JPH2: variants seen among roughly 807,000 people sequenced by gnomAD.
JPH2 encodes junctophilin 2.
Under a neutral mutation model 55.9 loss-of-function variants are expected in JPH2, and 38 were observed. The ratio of observed to expected loss-of-function variants is 0.68; its 90% confidence interval spans 0.52 to 0.89. The LOEUF (loss-of-function observed/expected upper bound fraction) is 0.89. JPH2 is among the 40% of genes least tolerant of loss of function. The probability of loss-of-function intolerance (pLI) is 0.00; values close to 1 mark genes in which losing one functional copy is unlikely to be tolerated. For missense variants in JPH2, 964 were observed against 1,037.6 expected (o/e 0.93, Z 0.97); for synonymous variants, 480 against 472.4 (o/e 1.02, Z -0.21).
intron 3 of JPH2, among the ~76,000 whole-genome samples, chr20:44,118,161 C>T (rs1224100364): frequency 6.6e-6 from 1 of 152,206 alleles, no homozygotes; most frequent in Non-Finnish European, 1.5e-5. Context: ...CAATGCTTGA[C>T]TGAAACTGTT....
At chr20:44,129,551 T>C (rs2072300863) in intron 2 of JPH2, among the ~76,000 whole-genome samples, 2 of 63,050 alleles carry the variant, frequency 3.2e-5, no homozygotes, top group African/African-American at 6.2e-5. Flanking sequence ...CCAGGCTGTC[T>C]CAAAAAAAAA....
intron 2 of JPH2, among the ~76,000 whole-genome samples, chr20:44,141,472 T>C (rs899763304): frequency 1.3e-5 from 2 of 151,120 alleles, no homozygotes; most frequent in African/African-American, 4.9e-5. Context: ...GATCACATCA[T>C]GTGAGAAAAA....
At chr20:44,123,856 T>G (rs6130536) in intron 2 of JPH2, among the ~76,000 whole-genome samples, 44,927 of 152,152 alleles carry the variant, frequency 0.3, 6,763 homozygotes, top group East Asian at 0.46. Context: ...ATCTTGAAGT[T>G]GTTCCCAGAC....
intron 1 of JPH2, among the ~76,000 whole-genome samples, chr20:44,173,619 CAACA>C (rs2072713374): frequency 6.6e-6 from 1 of 152,158 alleles, no homozygotes; most frequent in African/African-American, 2.4e-5. Context: ...TTTATCCATA[CAACA>C]AACAAACAAA....
intron 1 of JPH2, chr20:44,176,806 G>GA: frequency 1.4e-5 from 13 of 937,244 alleles, no homozygotes; most frequent in Non-Finnish European, 1.5e-5. Context: ...AAAAGAAAAA[G>GA]AAAAAAAAGG....
Position 44,118,502 on chromosome 20 carries a change from T to C in JPH2, c.1288+3A>G. On this transcript the variant is annotated splice_donor_region_variant and intron_variant, in intron 3 of 5. Coordinates refer to ENST00000372980, the MANE Select transcript of JPH2 (RefSeq NM_020433.5). ...CTGCCCATCCTTCCCTGGCTGGCCC[T>C]ACCTGGCTGGTAGAAGTCCGGAGCC... The C allele has an allele frequency of 6.2e-7, 1 of 1,610,952 alleles. No individual in the cohort carries two copies. Among genetic ancestry groups the C allele is most frequent in the Non-Finnish European group, 8.5e-7 (1 of 1,178,566 alleles).
chr20:44,165,727 C>A (rs1373089121), intron 1 of JPH2, among the ~76,000 whole-genome samples: 1 of 152,150 alleles, frequency 6.6e-6, no homozygotes, highest in African/African-American at 2.4e-5. Flanking sequence ...TGCACAGGGG[C>A]CATGGAACCA....
At chr20:44,133,041 G>C (rs1335500784) in intron 2 of JPH2, among the ~76,000 whole-genome samples, 2 of 1,404 alleles carry the variant, frequency 1.4e-3, no homozygotes, top group East Asian at 0.019. Context: ...CCCCTCCACA[G>C]CTGCAACTCT....
chr20:44,144,496 G>C (rs2072479955), intron 2 of JPH2, among the ~76,000 whole-genome samples: 1 of 152,158 alleles, frequency 6.6e-6, no homozygotes, highest in Non-Finnish European at 1.5e-5. Context: ...GAAGACCAAG[G>C]ACACTTGGTG....
chr20:44,186,098 T>C (rs1275666524), intron 1 of JPH2, among the ~76,000 whole-genome samples: 1 of 152,166 alleles, frequency 6.6e-6, no homozygotes, highest in Non-Finnish European at 1.5e-5. Context: ...GCAGGCTTTG[T>C]ACTAAGCACT....
intron 2 of JPH2, among the ~76,000 whole-genome samples, chr20:44,135,396 G>C (rs538507893): frequency 6.6e-6 from 1 of 152,208 alleles, no homozygotes; most frequent in East Asian, 1.9e-4. Flanking sequence ...TTCTATGCCT[G>C]GGGTGAAAAC....
At chr20:44,132,334 T>G (rs1600838779) in intron 2 of JPH2, among the ~76,000 whole-genome samples, 2 of 134,432 alleles carry the variant, frequency 1.5e-5, no homozygotes, top group African/African-American at 2.9e-5. Flanking sequence ...GTGAATGAGG[T>G]GGAAGGGAGG....
chr20:44,174,150 A>G (rs1232963665), intron 1 of JPH2, among the ~76,000 whole-genome samples: 2 of 152,170 alleles, frequency 1.3e-5, no homozygotes, highest in Non-Finnish European at 2.9e-5. Context: ...CTTCATGGGT[A>G]AGTGTAGTCT....
At chr20:44,126,080 T>TA (rs2072272643) in intron 2 of JPH2, among the ~76,000 whole-genome samples, 1 of 148,412 alleles carries the variant, frequency 6.7e-6, no homozygotes, top group African/African-American at 2.5e-5. Flanking sequence ...GAGCTATGAT[T>TA]ATGCCACTGC....
In JPH2 at chr20:44,177,957, C is replaced by T. The variant is rs202158831; in HGVS notation, c.379+8370G>A. Reference sequence around the variant, plus strand: ...CATTGTCTCGACCATATTCTGAGGGCGATTTTAACACATCCCTAAAGGAAA... The same window carrying T: ...CATTGTCTCGACCATATTCTGAGGGTGATTTTAACACATCCCTAAAGGAAA... On this transcript the variant is annotated intron_variant, in intron 1 of 5. Transcript: ENST00000372980. 2.2e-5 allele frequency: 26 copies of T among 1,204,622 alleles called. No individual in the cohort carries two copies. The highest frequency in any genetic ancestry group is 1.0e-4 in the African/African-American group (7 of 66,760). The allele number at this position is 1,204,622 out of a possible 1,614,324, so 74.6% of individuals were successfully genotyped here.
At chr20:44,171,884 T>C (rs1208910588) in intron 1 of JPH2, among the ~76,000 whole-genome samples, 2 of 152,206 alleles carry the variant, frequency 1.3e-5, no homozygotes, top group East Asian at 1.9e-4. Flanking sequence ...ATACATGCAC[T>C]TGGGGGCAGG....
In JPH2 at chr20:44,186,719, C is replaced by CT. The variant is rs777257954; in HGVS notation, c.-15dup. 6 of 1,597,560 alleles carry CT rather than the reference C, an allele frequency of 3.8e-6. No individual in the cohort carries two copies. The highest frequency in any genetic ancestry group is 1.3e-5 in the African/African-American group (1 of 74,866). On this transcript the variant is annotated 5_prime_UTR_variant, in exon 1 of 6. Coordinates refer to ENST00000372980, the MANE Select transcript of JPH2 (RefSeq NM_020433.5). ...GCCCCCACTCATCTCATCATAGCCCCTGACAACCTCCCCGTCCTCCAGCGT... is the reference window on the plus strand; with the variant it reads ...GCCCCCACTCATCTCATCATAGCCCCTTGACAACCTCCCCGTCCTCCAGCGT...
Position 44,107,405 on chromosome 20 carries a change from C to T in JPH2, c.*6113G>A, listed in dbSNP as rs1040721776. ...ACATGTAGTCCGTATTTCCCAGCCT[C>T]CCTTGAAGCTAGTTGAGGCCAAACA... On this transcript the variant is annotated 3_prime_UTR_variant, in exon 6 of 6. Coordinates refer to ENST00000372980, the MANE Select transcript of JPH2 (RefSeq NM_020433.5). Among the ~76,000 whole-genome samples, 1 of 152,150 alleles carries T rather than the reference C, an allele frequency of 6.6e-6. No homozygotes were observed. Among genetic ancestry groups the T allele is most frequent in the African/African-American group, 2.4e-5 (1 of 41,414 alleles).
intron 2 of JPH2, among the ~76,000 whole-genome samples, chr20:44,143,107 G>A (rs1255346002): frequency 6.6e-6 from 1 of 152,190 alleles, no homozygotes; most frequent in Non-Finnish European, 1.5e-5. Flanking sequence ...TTGGACAAAT[G>A]GAACAGCATG....
Sources: allele counts gnomAD v4.1 joint callset (sites outside exome capture counted in the v4.1 genomes callset), GRCh38; gene constraint gnomAD v4.1.1; transcripts MANE v1.5; gene names NCBI Gene and HGNC (gene_info 2026-07-23, HGNC 2026-07-21).